Variants in FHIT observed in about 807,000 individuals in gnomAD.
FHIT encodes the protein fragile histidine triad diadenosine triphosphatase.
Under a neutral mutation model 17.9 loss-of-function variants are expected in FHIT, and 19 were observed. The ratio of observed to expected loss-of-function variants is 1.06; its 90% CI spans 0.74 to 1.56. The LOEUF (loss-of-function observed/expected upper bound fraction) is 1.56. FHIT is among the 40% of genes most tolerant of loss of function. FHIT has a pLI of 0.00. For missense variants in FHIT, 248 were observed against 189.2 expected, an observed-to-expected ratio of 1.31 and a Z score of -1.82; for synonymous variants, 81 against 69.7, an observed-to-expected ratio of 1.16 and a Z score of -0.81.
At chr3:60,825,951 G>A in intron 3 of FHIT, among the ~76,000 whole-genome samples, 1 of 152,064 alleles carries the variant, frequency 6.6e-6, no homozygotes, top group East Asian at 1.9e-4. Context: ...GACATTATTG[G>A]TGAAAATGAT....
At chr3:60,860,749 T>G (rs1196449730) in intron 3 of FHIT, among the ~76,000 whole-genome samples, 1 of 27,952 alleles carries the variant, frequency 3.6e-5, no homozygotes, top group African/African-American at 1.3e-4. Flanking sequence ...TTCATATATA[T>G]CAGGTATATA....
chr3:60,314,129 C>A (rs144531904), intron 5 of FHIT, among the ~76,000 whole-genome samples: 1 of 152,070 alleles, frequency 6.6e-6, no homozygotes, highest in African/African-American at 2.4e-5. Flanking sequence ...TCCCTTCAAT[C>A]TCATATAAAG....
intron 8 of FHIT, among the ~76,000 whole-genome samples, chr3:59,807,230 T>A (rs994131761): frequency 2.0e-5 from 3 of 152,248 alleles, no homozygotes; most frequent in African/African-American, 7.2e-5. Flanking sequence ...AGGATCCTAG[T>A]GCAATCTTCC....
intron 5 of FHIT, among the ~76,000 whole-genome samples, chr3:60,022,154 C>T (rs1700576100): frequency 6.6e-6 from 1 of 152,114 alleles, no homozygotes; most frequent in Admixed American, 6.6e-5. Context: ...GCATCATTTC[C>T]CAAAACACAG....
chr3:59,890,847 T>G (rs1325935383), intron 8 of FHIT, among the ~76,000 whole-genome samples: 1 of 152,202 alleles, frequency 6.6e-6, no homozygotes, highest in Non-Finnish European at 1.5e-5. Context: ...TAGCTGAGCA[T>G]TTTTCAATGT....
At chr3:60,418,372 GTGTGTATATATATATATATATA>G (rs1413338081) in intron 5 of FHIT, among the ~76,000 whole-genome samples, 5 of 5,338 alleles carry the variant, frequency 9.4e-4, no homozygotes, top group African/African-American at 1.0e-3. Context: ...GTATCTGAAT[GTGTGTATATATATATATATATA>G]TATATATATA....
intron 4 of FHIT, among the ~76,000 whole-genome samples, chr3:60,664,205 T>C (rs1553691872): frequency 1.3e-5 from 2 of 152,178 alleles, no homozygotes; most frequent in African/African-American, 4.8e-5. Context: ...TTTACTTTTT[T>C]TATTTTTAAT....
At chr3:59,832,751 A>C (rs1701208866) in intron 8 of FHIT, among the ~76,000 whole-genome samples, 1 of 152,202 alleles carries the variant, frequency 6.6e-6, no homozygotes, top group Admixed American at 6.5e-5. Flanking sequence ...TTTTTCAATA[A>C]GAACTCAGCC....
chr3:60,383,743 C>G (rs1017175670), intron 5 of FHIT, among the ~76,000 whole-genome samples: 1 of 152,116 alleles, frequency 6.6e-6, no homozygotes, highest in African/African-American at 2.4e-5. Flanking sequence ...GGTACATCTA[C>G]TATAAAAATA....
chr3:60,795,742 T>C (rs6764320), intron 4 of FHIT, among the ~76,000 whole-genome samples: 91,972 of 152,096 alleles, frequency 0.6, 29,275 homozygotes, highest in African/African-American at 0.79. Context: ...CTTGAACTCC[T>C]GGGCTCAAGC....
intron 4 of FHIT, chr3:60,732,428 T>C: frequency 1.3e-6 from 1 of 744,836 alleles, no homozygotes; most frequent in Non-Finnish European, 2.5e-6. Context: ...CAGTGCCATA[T>C]GGCATGTGAA....
intron 8 of FHIT, among the ~76,000 whole-genome samples, chr3:59,909,707 TTGATCAAA>T (rs2107131623): frequency 6.6e-6 from 1 of 152,332 alleles, no homozygotes; most frequent in African/African-American, 2.4e-5. Flanking sequence ...CCATGAGGTT[TTGATCAAA>T]ACTAAAGTCA....
chr3:60,727,046 C>T (rs2041930762), intron 4 of FHIT, among the ~76,000 whole-genome samples: 1 of 152,132 alleles, frequency 6.6e-6, no homozygotes, highest in Admixed American at 6.5e-5. Flanking sequence ...AACATCACTG[C>T]ATTTCCACTG....
chr3:60,731,778 T>C (rs1300294738), intron 4 of FHIT, among the ~76,000 whole-genome samples: 1 of 152,160 alleles, frequency 6.6e-6, no homozygotes, highest in Non-Finnish European at 1.5e-5. Flanking sequence ...TGGTGCCAGC[T>C]GCAACCAATT....
chr3:60,270,597 T>C (rs1005972824), intron 5 of FHIT, among the ~76,000 whole-genome samples: 4 of 152,310 alleles, frequency 2.6e-5, no homozygotes, highest in African/African-American at 4.8e-5. Context: ...TTATGAAATA[T>C]TGTTCACAAA....
At chr3:60,488,229 T>C (rs557144646) in intron 5 of FHIT, among the ~76,000 whole-genome samples, 1 of 152,300 alleles carries the variant, frequency 6.6e-6, no homozygotes, top group East Asian at 1.9e-4. Context: ...AAGATTATAT[T>C]TGAGATGCTC....
chr3:60,860,557 C>CATATATCAGGTATATATGATACAT (rs1703699900), intron 3 of FHIT, among the ~76,000 whole-genome samples: 2 of 7,644 alleles, frequency 2.6e-4, no homozygotes, highest in Non-Finnish European at 2.0e-3. Flanking sequence ...ACATATGTAT[C>CATATATCAGGTATATATGATACAT]ATATATCAGG....
At chr3:59,786,774 T>C (rs1040861023) in intron 8 of FHIT, among the ~76,000 whole-genome samples, 1 of 152,266 alleles carries the variant, frequency 6.6e-6, no homozygotes. Context: ...TTTTTACTAA[T>C]ACAGTCTCCC....
rs60858106 is a variant in FHIT, at chr3:60,785,934, C to CAG, written c.-18+35983_-18+35984dup. ...ACACACACACACACACACACACACA[C>CAG]AGAGAGAGTACTTTTCAAGATTAGT... On this transcript the variant is annotated intron_variant, in intron 4 of 9. Transcript: ENST00000492590. Among the ~76,000 whole-genome samples the CAG allele has an allele frequency of 3.1e-3, 426 of 137,928 alleles. 5 individuals carry two copies. Among genetic ancestry groups the CAG allele is most frequent in the African/African-American group, 8.2e-3 (308 of 37,648 alleles). The allele number at this position is 137,928 out of a possible 152,430, so 90.5% of individuals were successfully genotyped here. A position where few individuals can be genotyped will look rare whatever the true frequency, so the allele number is the denominator to read the frequency against.
Sources: allele counts gnomAD v4.1 joint callset (sites outside exome capture counted in the v4.1 genomes callset), GRCh38; gene constraint gnomAD v4.1.1; transcripts MANE v1.5; gene names NCBI Gene and HGNC (gene_info 2026-07-23, HGNC 2026-07-21).